The following LRMDA variants were observed in gnomAD, a reference collection of about 807,000 sequenced individuals.
The protein encoded by LRMDA is leucine rich melanocyte differentiation associated.
A neutral mutation model predicts 29.8 loss-of-function variants in LRMDA; 18 were observed. The ratio of observed to expected loss-of-function variants is 0.60; its 90% CI spans 0.42 to 0.90. LRMDA has a LOEUF of 0.90. Among genes scored for constraint, LRMDA ranks in the 40% least tolerant of loss-of-function variants. The probability of loss-of-function intolerance (pLI) is 0.00; values close to 1 mark genes in which losing one functional copy is unlikely to be tolerated. For missense variants in LRMDA, 273 were observed against 273.9 expected, an observed-to-expected ratio of 1.00 and a Z score of 0.02; for synonymous variants, 125 against 109.4, an observed-to-expected ratio of 1.14 and a Z score of -0.89.
At chr10:76,407,567 C>T (rs574900299) in intron 6 of LRMDA, among the ~76,000 whole-genome samples, 22 of 152,132 alleles carry the variant, frequency 1.4e-4, no homozygotes, top group South Asian at 6.2e-4. Context: ...TCATGCAACT[C>T]ACAACAACCC....
chr10:75,860,321 T>G (rs1405184580), intron 2 of LRMDA, among the ~76,000 whole-genome samples: 9 of 144,308 alleles, frequency 6.2e-5, no homozygotes, highest in East Asian at 4.1e-4. Flanking sequence ...GTTTTTTTTT[T>G]TTTTTTTTTT....
intron 2 of LRMDA, among the ~76,000 whole-genome samples, chr10:75,617,370 G>C (rs1366871609): frequency 1.3e-5 from 2 of 152,124 alleles, no homozygotes; most frequent in Non-Finnish European, 2.9e-5. Context: ...GGAGTACATG[G>C]TGGCAGCTTG....
chr10:75,841,179 G>A (rs1221139695), intron 2 of LRMDA, among the ~76,000 whole-genome samples: 3 of 152,160 alleles, frequency 2.0e-5, no homozygotes, highest in African/African-American at 2.4e-5. Context: ...CTTGGTTCCC[G>A]AAGCCTTAGC....
At chr10:76,372,525 A>G (rs1841466333) in intron 6 of LRMDA, among the ~76,000 whole-genome samples, 1 of 152,130 alleles carries the variant, frequency 6.6e-6, no homozygotes, top group African/African-American at 2.4e-5. Context: ...AGGCAGGAGA[A>G]TCACTTGAAC....
intron 2 of LRMDA, among the ~76,000 whole-genome samples, chr10:75,928,613 A>G (rs1414306941): frequency 2.0e-5 from 3 of 152,178 alleles, no homozygotes; most frequent in Admixed American, 6.6e-5. Flanking sequence ...ACTGTTTAGT[A>G]AAATGGATTT....
intron 2 of LRMDA, among the ~76,000 whole-genome samples, chr10:75,656,868 G>T (rs567185391): frequency 1.3e-5 from 2 of 152,332 alleles, no homozygotes; most frequent in South Asian, 4.1e-4. Flanking sequence ...TCAATGTGTT[G>T]TTGACAACTC....
Position 76,182,508 on chromosome 10 carries a change from G to A in LRMDA, c.516+123725G>A, listed in dbSNP as rs554071800. Among the ~76,000 whole-genome samples, 3 of 152,288 alleles carry A rather than the reference G, an allele frequency of 2.0e-5. No individual in the cohort carries two copies. The East Asian group carries it at 5.8e-4, about 29-fold the overall frequency. On this transcript the variant is annotated intron_variant, in intron 5 of 6. Transcript: ENST00000611255. ...CCAATGAACAGACGATGCTATTGTA[G>A]CTGGACCATCATTGCCGGTGCCTCC...
chr10:75,473,081 A>G (rs1164310069), intron 2 of LRMDA, among the ~76,000 whole-genome samples: 4 of 152,222 alleles, frequency 2.6e-5, no homozygotes, highest in Non-Finnish European at 5.9e-5. Context: ...TTCCCCCATG[A>G]TGGACCAGGA....
intron 6 of LRMDA, among the ~76,000 whole-genome samples, chr10:76,334,256 A>G (rs1840940074): frequency 6.6e-6 from 1 of 152,214 alleles, no homozygotes; most frequent in Non-Finnish European, 1.5e-5. Context: ...TCGGCCCAGT[A>G]TTAACTTCCT....
At chr10:76,215,808 A>G (rs1417106049) in intron 5 of LRMDA, among the ~76,000 whole-genome samples, 1 of 152,220 alleles carries the variant, frequency 6.6e-6, no homozygotes, top group African/African-American at 2.4e-5. Flanking sequence ...GGTGGATACC[A>G]TGGACTATCT....
chr10:75,458,764 T>C (rs572251380), intron 2 of LRMDA, among the ~76,000 whole-genome samples: 83 of 152,254 alleles, frequency 5.5e-4, no homozygotes, highest in African/African-American at 1.9e-3. Flanking sequence ...TTCCGTCAGG[T>C]AGCAGGAGGA....
intron 2 of LRMDA, among the ~76,000 whole-genome samples, chr10:75,765,214 C>CT (rs75491344): frequency 8.1e-4 from 117 of 145,306 alleles, no homozygotes; most frequent in Admixed American, 8.2e-4. Flanking sequence ...TGTTAGGTGT[C>CT]TTTTTTTTTT....
chr10:75,838,294 T>C (rs969474842), intron 2 of LRMDA, among the ~76,000 whole-genome samples: 3 of 152,334 alleles, frequency 2.0e-5, no homozygotes, highest in South Asian at 2.1e-4. Flanking sequence ...ATATCCAGCA[T>C]TGCAAATCCA....
chr10:76,559,333 A>T lies in LRMDA; in HGVS notation c.*2045A>T, dbSNP rs1202410270. ...TCAATGTGAGCTTTGGAGGCAAAAC[A>T]TATTTTTGGAGTGAGTTATTGACCA... On this transcript the variant is annotated 3_prime_UTR_variant, in exon 7 of 7. Coordinates refer to ENST00000611255, the MANE Select transcript of LRMDA (RefSeq NM_001305581.2). 2 of 152,174 alleles carry T rather than the reference A, an allele frequency of 1.3e-5. No homozygotes were observed. Among genetic ancestry groups the T allele is most frequent in the Non-Finnish European group, 2.9e-5 (2 of 68,026 alleles). 9.4% of individuals were successfully genotyped at this position (152,174 alleles called of 1,614,324 possible).
intron 2 of LRMDA, among the ~76,000 whole-genome samples, chr10:75,814,683 T>G (rs575831903): frequency 3.2e-4 from 48 of 152,240 alleles, no homozygotes; most frequent in African/African-American, 4.1e-4. Flanking sequence ...TGAAAATGAT[T>G]CCCCTCTTGG....
intron 5 of LRMDA, among the ~76,000 whole-genome samples, chr10:76,166,319 T>A (rs542074492): frequency 3.5e-4 from 53 of 152,310 alleles, no homozygotes; most frequent in African/African-American, 1.3e-3. Flanking sequence ...TTGTTTGTTT[T>A]TAACTTTTAT....
chr10:76,139,425 C>T (rs960210414), intron 5 of LRMDA, among the ~76,000 whole-genome samples: 1 of 152,074 alleles, frequency 6.6e-6, no homozygotes, highest in Non-Finnish European at 1.5e-5. Flanking sequence ...CCACCTTCCT[C>T]TACACACGCA....
Position 75,977,040 on chromosome 10 carries a change from C to T in LRMDA, c.132-58968C>T, listed in dbSNP as rs34858569. ...ACGTGGGTATGAAATGCCCCATAAC[C>T]GTAAATGGGGTCTGCTCACACCACA... On this transcript the variant is annotated intron_variant, in intron 2 of 6. Coordinates refer to ENST00000611255, the MANE Select transcript of LRMDA (RefSeq NM_001305581.2). 7.4e-3 allele frequency among the ~76,000 whole-genome samples: 1,124 copies of T among 151,968 alleles called. 9 individuals carry two copies. The highest frequency in any genetic ancestry group is 0.01 in the Non-Finnish European group (711 of 67,994).
chr10:76,543,501 A>T (rs1564571950), intron 6 of LRMDA, among the ~76,000 whole-genome samples: 2 of 152,126 alleles, frequency 1.3e-5, no homozygotes, highest in East Asian at 1.9e-4. Context: ...GGCCATCTTC[A>T]TGGTAGCAAA....
Sources: gnomAD v4.1 joint callset for allele counts (sites outside exome capture counted in the v4.1 genomes callset) on GRCh38, gnomAD v4.1.1 for gene constraint, MANE v1.5 for transcripts, NCBI Gene and HGNC (gene_info 2026-07-23, HGNC 2026-07-21) for gene names.